The following PDE3B variants were observed in gnomAD, a reference collection of about 807,000 sequenced individuals.
PDE3B encodes the protein phosphodiesterase 3B.
A neutral mutation model predicts 116.8 loss-of-function variants in PDE3B; 66 were observed. That is an observed-to-expected ratio of 0.56 (90% CI 0.46 to 0.69). PDE3B has a LOEUF of 0.69. Among genes scored for constraint, PDE3B ranks in the 30% least tolerant of loss-of-function variants. The pLI is 0.00. For synonymous variants in PDE3B, 595 were observed against 533.6 expected, an observed-to-expected ratio of 1.12 and a Z score of -1.59; for missense variants, 1,384 against 1,368.1, an observed-to-expected ratio of 1.01 and a Z score of -0.18.
chr11:14,675,606 A>G (rs551894613), intron 1 of PDE3B, among the ~76,000 whole-genome samples: 89 of 152,276 alleles, frequency 5.8e-4, no homozygotes, highest in African/African-American at 2.1e-3. Context: ...TTTAAATAAA[A>G]TTATACAGTA....
At chr11:14,684,858 C>G (rs2133798682) in intron 1 of PDE3B, among the ~76,000 whole-genome samples, 1 of 152,176 alleles carries the variant, frequency 6.6e-6, no homozygotes, top group African/African-American at 2.4e-5. Context: ...CCTGAACTTG[C>G]AGGCAGTCAG....
At position 14,835,211 on chromosome 11, in the gene PDE3B, G is replaced by A. The variant is rs1269196358; in HGVS notation, c.2320+116G>A. 2.0e-5 allele frequency: 12 copies of A among 608,526 alleles called. No homozygotes were observed. In the South Asian group the frequency reaches 2.1e-4, roughly 11 times the overall value. 37.7% of individuals were successfully genotyped at this position (608,526 alleles called of 1,614,324 possible). A position where few individuals can be genotyped will look rare whatever the true frequency, so the allele number is the denominator to read the frequency against. ...CATTAAGTAACCGTTTAGTACATACGAAGGACTGTGTACGTTTTTTTAACC... is the reference window on the plus strand; with the variant it reads ...CATTAAGTAACCGTTTAGTACATACAAAGGACTGTGTACGTTTTTTTAACC... On this transcript the variant is annotated intron_variant, in intron 11 of 15. Transcript: ENST00000282096.
the PDE3B span, among the ~76,000 whole-genome samples, chr11:14,887,975 G>GCAT: frequency 6.6e-6 from 1 of 152,090 alleles, no homozygotes; most frequent in African/African-American, 2.4e-5. Flanking sequence ...TCTCAACGTG[G>GCAT]CATTCTCTTG....
intron 1 of PDE3B, among the ~76,000 whole-genome samples, chr11:14,664,379 A>G (rs1401511219): frequency 1.3e-5 from 2 of 152,188 alleles, no homozygotes; most frequent in African/African-American, 2.4e-5. Flanking sequence ...GAGCAAACAC[A>G]TTCAAAAGCT....
At chr11:14,876,649 G>A (rs188845530), downstream of PDE3B, among the ~76,000 whole-genome samples, 484 of 152,180 alleles carry the variant, frequency 3.2e-3, 1 homozygote, top group Middle Eastern at 0.014. Context: ...CAGTTTTCTG[G>A]GGGCATCTGA....
chr11:14,662,906 T>C (rs1434700664), intron 1 of PDE3B, among the ~76,000 whole-genome samples: 2 of 152,156 alleles, frequency 1.3e-5, no homozygotes, highest in African/African-American at 4.8e-5. Context: ...CTAGGAGAAC[T>C]TCCCCAATCT....
At position 14,832,754 on chromosome 11, in the gene PDE3B, A is replaced by T; in HGVS notation, c.2127A>T (p.Leu709Phe). ...ATACCTTATTTCAAGACACTGGTTT[A>T]TTGGAAATATTTAAAATTCCCACTC... The part of the protein sequence containing the change: ...VMYTLFQDTG[L>F]LEIFKIPTQQ... Residue 709 changes from leucine (L) to phenylalanine (F), a missense_variant, in exon 10 of 16, where the codon TTA (leucine) becomes TTT (phenylalanine). By Grantham distance (22) the Leu-to-Phe change is conservative. Coordinates refer to ENST00000282096, the MANE Select transcript of PDE3B (RefSeq NM_000922.4). The T allele has an allele frequency of 2.0e-6, 3 of 1,488,844 alleles. No homozygotes were observed. Among genetic ancestry groups the T allele is most frequent in the Non-Finnish European group, 2.8e-6 (3 of 1,076,910 alleles). The allele number at this position is 1,488,844 out of a possible 1,614,324, so 92.2% of individuals were successfully genotyped here.
the PDE3B span, chr11:14,880,619 T>C: frequency 6.2e-7 from 1 of 1,609,672 alleles, no homozygotes; most frequent in Non-Finnish European, 8.5e-7. Context: ...GGTCTACCTT[T>C]GTATGTTTCA....
At chr11:14,736,681 A>T (rs371184035) in intron 1 of PDE3B, among the ~76,000 whole-genome samples, 7 of 152,294 alleles carry the variant, frequency 4.6e-5, no homozygotes, top group African/African-American at 1.7e-4. Flanking sequence ...CAGACTATAT[A>T]TTTTTTTAAG....
At position 14,644,267 on chromosome 11, in the gene PDE3B, C is replaced by G. The variant is rs1271640483; in HGVS notation, c.192C>G (p.Ala64=). ...ACGTGGAGCTGCGGCCGCCGCCGGC[C>G]TCTCCCCAGCAGCCGCGGCGCTGCT... ...FCNVELRPPP[A]SPQQPRRCSP... The change falls in exon 1 of 16, where the codon GCC becomes GCG. Residue 64 remains alanine, a synonymous_variant. Transcript: ENST00000282096. 1 of 1,567,908 alleles carries G rather than the reference C, an allele frequency of 6.4e-7. No homozygotes were observed. The highest frequency in any genetic ancestry group is 8.6e-7 in the Non-Finnish European group (1 of 1,164,052).
At chr11:14,882,827 C>G in the PDE3B span, among the ~76,000 whole-genome samples, 1 of 152,194 alleles carries the variant, frequency 6.6e-6, no homozygotes, top group Non-Finnish European at 1.5e-5. Flanking sequence ...TAAGCAACTT[C>G]AGCAAATTCT....
intron 5 of PDE3B, among the ~76,000 whole-genome samples, chr11:14,805,633 T>A (rs1858895450): frequency 6.6e-6 from 1 of 152,184 alleles, no homozygotes; most frequent in Non-Finnish European, 1.5e-5. Context: ...AACGTACATT[T>A]TTTTCAAACA....
chr11:14,794,907 G>C (rs915104703), intron 4 of PDE3B, among the ~76,000 whole-genome samples: 3 of 152,194 alleles, frequency 2.0e-5, no homozygotes, highest in African/African-American at 7.2e-5. Flanking sequence ...ACAAAGGACA[G>C]GTCTGGAAGG....
intron 5 of PDE3B, among the ~76,000 whole-genome samples, chr11:14,808,079 T>G (rs890174939): frequency 6.8e-6 from 1 of 147,514 alleles, no homozygotes; most frequent in African/African-American, 2.5e-5. Flanking sequence ...AAAAAAAAAG[T>G]AATCTTCTGA....
At chr11:14,645,077 C>G (rs1224325020) in intron 1 of PDE3B, 24 bp downstream of exon 1, 2 of 1,515,006 alleles carry the variant, frequency 1.3e-6, no homozygotes, top group Non-Finnish European at 1.8e-6. Context: ...AAGGCGAGGT[C>G]TGGGACGCGA....
chr11:14,853,980 A>C (rs558087115), intron 12 of PDE3B, among the ~76,000 whole-genome samples: 12 of 152,356 alleles, frequency 7.9e-5, no homozygotes, highest in African/African-American at 2.9e-4. Context: ...AAACACATGA[A>C]TCTGTTACCC....
intron 2 of PDE3B, among the ~76,000 whole-genome samples, chr11:14,779,230 T>C (rs972711534): frequency 6.6e-6 from 1 of 152,136 alleles, no homozygotes; most frequent in African/African-American, 2.4e-5. Flanking sequence ...TGGAACCAAG[T>C]TGGAAAACAC....
At chr11:14,702,104 A>G (rs1419658784) in intron 1 of PDE3B, among the ~76,000 whole-genome samples, 4 of 150,230 alleles carry the variant, frequency 2.7e-5, no homozygotes, top group African/African-American at 9.8e-5. Flanking sequence ...TTTCTCCTAT[A>G]GTTTATCTCT....
chr11:14,759,561 T>TG (rs1307152181), intron 1 of PDE3B, among the ~76,000 whole-genome samples: 1 of 151,248 alleles, frequency 6.6e-6, no homozygotes, highest in African/African-American at 2.4e-5. Flanking sequence ...TTTTTTTTTT[T>TG]TTTTTTGAGA....
Sources: gnomAD v4.1 joint callset for allele counts (sites outside exome capture counted in the v4.1 genomes callset) on GRCh38, gnomAD v4.1.1 for gene constraint, MANE v1.5 for transcripts, NCBI Gene and HGNC (gene_info 2026-07-23, HGNC 2026-07-21) for gene names.